Variants in RBFOX1 observed in about 807,000 individuals in gnomAD.
The protein encoded by RBFOX1 is RNA binding protein fox-1 homolog 1.
RBFOX1 carries 8 observed loss-of-function variants against 57.7 expected under a neutral mutation model. The ratio of observed to expected loss-of-function variants is 0.14; its 90% CI spans 0.08 to 0.25. RBFOX1 has a LOEUF of 0.25. Ranked by LOEUF, RBFOX1 falls within the 10% of genes least tolerant of loss-of-function variation. The pLI, the probability that RBFOX1 is intolerant of heterozygous loss-of-function variation, is 1.00. For synonymous variants in RBFOX1, 326 were observed against 222.4 expected (o/e 1.47, Z -4.15); for missense variants, 611 against 548.5 (o/e 1.11, Z -1.14).
At chr16:6,625,361 GACA>G (rs542202909) in intron 2 of RBFOX1, among the ~76,000 whole-genome samples, 30 of 152,194 alleles carry the variant, frequency 2.0e-4, no homozygotes, top group African/African-American at 7.0e-4. Flanking sequence ...CTGGGTTTGA[GACA>G]ACAACAATTT....
intron 3 of RBFOX1, among the ~76,000 whole-genome samples, chr16:5,745,342 T>C (rs1195193171): frequency 6.6e-6 from 1 of 152,206 alleles, no homozygotes; most frequent in East Asian, 1.9e-4. Context: ...CGGTCTATCA[T>C]TGATGGACAT....
chr16:5,780,503 C>T (rs1465995146), intron 3 of RBFOX1, among the ~76,000 whole-genome samples: 2 of 152,060 alleles, frequency 1.3e-5, no homozygotes, highest in Admixed American at 6.6e-5. Context: ...ACGTTGTATA[C>T]CATAGATATA....
At chr16:6,705,807 C>G (rs1252982813) in intron 3 of RBFOX1, among the ~76,000 whole-genome samples, 1 of 152,110 alleles carries the variant, frequency 6.6e-6, no homozygotes, top group Non-Finnish European at 1.5e-5. Context: ...CACTTGAGCT[C>G]AGGAGTCCAA....
chr16:6,779,153 C>T (rs1195380037), intron 3 of RBFOX1, among the ~76,000 whole-genome samples: 2 of 152,016 alleles, frequency 1.3e-5, no homozygotes, highest in African/African-American at 4.8e-5. Context: ...TTACCTACTT[C>T]TAACTCCCCC....
chr16:7,158,843 ATG>A (rs1217037319), intron 4 of RBFOX1, among the ~76,000 whole-genome samples: 1 of 149,004 alleles, frequency 6.7e-6, no homozygotes, highest in Non-Finnish European at 1.5e-5. Context: ...TTTGTATGGT[ATG>A]TGTGTGTGCA....
intron 5 of RBFOX1, among the ~76,000 whole-genome samples, chr16:7,521,815 C>A (rs1480244279): frequency 6.6e-6 from 1 of 152,148 alleles, no homozygotes; most frequent in African/African-American, 2.4e-5. Flanking sequence ...CATGTTGGCC[C>A]ATACAATAAA....
intron 4 of RBFOX1, among the ~76,000 whole-genome samples, chr16:7,498,354 C>G (rs978177228): frequency 6.6e-6 from 1 of 152,146 alleles, no homozygotes; most frequent in African/African-American, 2.4e-5. Context: ...ATGGGTCTCA[C>G]TCAGCCTCTA....
chr16:7,165,421 T>C (rs1165577646), intron 4 of RBFOX1, among the ~76,000 whole-genome samples: 1 of 148,366 alleles, frequency 6.7e-6, no homozygotes, highest in Admixed American at 6.8e-5. Flanking sequence ...ATAATAATCA[T>C]TATTATTATT....
At chr16:5,651,298 C>A (rs1374033371) in intron 3 of RBFOX1, among the ~76,000 whole-genome samples, 2 of 152,046 alleles carry the variant, frequency 1.3e-5, no homozygotes, top group South Asian at 4.1e-4. Context: ...CGTGACCCAC[C>A]TGCCTTGGCC....
At chr16:6,972,548 G>C (rs556553490) in intron 3 of RBFOX1, among the ~76,000 whole-genome samples, 1 of 152,074 alleles carries the variant, frequency 6.6e-6, no homozygotes, top group South Asian at 2.1e-4. Flanking sequence ...TTTGAACATG[G>C]GGATACAAAT....
At chr16:6,609,657 C>G (rs893853246) in intron 2 of RBFOX1, among the ~76,000 whole-genome samples, 5 of 152,060 alleles carry the variant, frequency 3.3e-5, no homozygotes, top group Admixed American at 2.6e-4. Flanking sequence ...GAAGTTAACC[C>G]TATGTAAAGA....
chr16:6,946,797 G>T (rs12149084), intron 3 of RBFOX1, among the ~76,000 whole-genome samples: 18 of 151,918 alleles, frequency 1.2e-4, no homozygotes, highest in Non-Finnish European at 1.9e-4. Context: ...TGCAGAGACA[G>T]GGTCTCACTG....
intron 5 of RBFOX1, among the ~76,000 whole-genome samples, chr16:7,519,948 C>T (rs532319510): frequency 8.4e-4 from 128 of 152,194 alleles, no homozygotes; most frequent in African/African-American, 2.9e-3. Flanking sequence ...TGCGGTGGCG[C>T]GATCTCGGCT....
At chr16:6,513,495 A>T (rs1487244945) in intron 2 of RBFOX1, among the ~76,000 whole-genome samples, 1 of 152,272 alleles carries the variant, frequency 6.6e-6, no homozygotes, top group Admixed American at 6.5e-5. Flanking sequence ...TCACTTTGGG[A>T]GGTCGAGGCA....
intron 1 of RBFOX1, among the ~76,000 whole-genome samples, chr16:6,181,397 A>G (rs1342670076): frequency 6.6e-6 from 1 of 152,118 alleles, no homozygotes; most frequent in Non-Finnish European, 1.5e-5. Context: ...AATACTTGTT[A>G]CATTATTGGA....
At chr16:7,079,560 A>T (rs1183857706) in intron 4 of RBFOX1, among the ~76,000 whole-genome samples, 1 of 152,174 alleles carries the variant, frequency 6.6e-6, no homozygotes, top group Non-Finnish European at 1.5e-5. Context: ...GTGGTGTCAC[A>T]TCTGTTTCTC....
intron 3 of RBFOX1, among the ~76,000 whole-genome samples, chr16:6,945,887 G>C (rs567532079): frequency 1.2e-4 from 18 of 152,072 alleles, no homozygotes; most frequent in Non-Finnish European, 2.1e-4. Flanking sequence ...CAAGACTCTC[G>C]TCCCCCACAA....
intron 2 of RBFOX1, among the ~76,000 whole-genome samples, chr16:6,649,489 A>C (rs994494641): frequency 1.3e-5 from 2 of 152,160 alleles, no homozygotes; most frequent in African/African-American, 4.8e-5. Context: ...ACCGTACCCA[A>C]CGTGTAATCT....
chr16:6,571,321 AG>A (rs2097341573), intron 2 of RBFOX1, among the ~76,000 whole-genome samples: 1 of 152,164 alleles, frequency 6.6e-6, no homozygotes, highest in Non-Finnish European at 1.5e-5. Flanking sequence ...AGGAAGCTGC[AG>A]GGGGTGACGG....
Sources: allele counts gnomAD v4.1 joint callset (sites outside exome capture counted in the v4.1 genomes callset), GRCh38; gene constraint gnomAD v4.1.1; transcripts MANE v1.5; gene names NCBI Gene and HGNC (gene_info 2026-07-23, HGNC 2026-07-21).